The following UNC13C variants were observed in gnomAD, a reference collection of about 807,000 sequenced individuals.
The protein encoded by UNC13C is protein unc-13 homolog C.
UNC13C carries 174 observed loss-of-function variants against 245.4 expected under a neutral mutation model. The observed-to-expected ratio is 0.71, with a 90% CI of 0.63 to 0.80. The LOEUF (loss-of-function observed/expected upper bound fraction) is 0.80, where lower values mean the gene tolerates loss of function less well. UNC13C is among the 30% of genes least tolerant of loss of function. The pLI is 0.00. For missense variants in UNC13C, 2,829 were observed against 2,602.9 expected (o/e 1.09, Z -1.89); for synonymous variants, 992 against 895.1 (o/e 1.11, Z -1.93).
At chr15:54,586,343 A>G (rs1337702225) in intron 30 of UNC13C, among the ~76,000 whole-genome samples, 1 of 152,224 alleles carries the variant, frequency 6.6e-6, no homozygotes, top group Non-Finnish European at 1.5e-5. Flanking sequence ...ACAGTTTTCA[A>G]GGCTGAAAGC....
the UNC13C span, chr15:53,913,462 T>A: frequency 6.6e-6 from 1 of 152,230 alleles, no homozygotes; most frequent in Non-Finnish European, 1.5e-5. Flanking sequence ...TGTTCATGGA[T>A]AACCACCCCC....
intron 2 of UNC13C, among the ~76,000 whole-genome samples, chr15:54,025,322 C>G (rs912110632): frequency 2.6e-5 from 4 of 152,136 alleles, no homozygotes; most frequent in Non-Finnish European, 5.9e-5. Context: ...CACATACTTT[C>G]TTTAGTTTTC....
intron 19 of UNC13C, among the ~76,000 whole-genome samples, chr15:54,431,796 T>C (rs1037033517): frequency 1.3e-5 from 2 of 151,668 alleles, no homozygotes; most frequent in African/African-American, 4.8e-5. Flanking sequence ...AGTCATTCTT[T>C]AAGATCATTT....
At chr15:54,210,508 A>T (rs997343222) in intron 4 of UNC13C, among the ~76,000 whole-genome samples, 8 of 152,046 alleles carry the variant, frequency 5.3e-5, no homozygotes, top group Non-Finnish European at 8.8e-5. Context: ...ACCATTGGAT[A>T]TAGTTTTATA....
At chr15:53,887,742 C>T in the UNC13C span, among the ~76,000 whole-genome samples, 1 of 152,074 alleles carries the variant, frequency 6.6e-6, no homozygotes, top group Non-Finnish European at 1.5e-5. Flanking sequence ...TGTGATGTTC[C>T]CCTCCCTGTG....
At chr15:54,050,241 G>A (rs765521605) in intron 2 of UNC13C, 2 of 538,808 alleles carry the variant, frequency 3.7e-6, no homozygotes, top group African/African-American at 3.8e-5. Context: ...CAAAGTTCTG[G>A]TATTACAGGC....
chr15:54,096,631 T>C (rs1048437640), intron 2 of UNC13C, among the ~76,000 whole-genome samples: 1 of 152,164 alleles, frequency 6.6e-6, no homozygotes, highest in African/African-American at 2.4e-5. Context: ...TTTTTGCATG[T>C]AAACAACTTA....
At chr15:54,017,621 A>C (rs1272821810) in intron 2 of UNC13C, among the ~76,000 whole-genome samples, 1 of 152,166 alleles carries the variant, frequency 6.6e-6, no homozygotes, top group Non-Finnish European at 1.5e-5. Flanking sequence ...AAGATGATAC[A>C]TTTCAGAAAA....
chr15:53,838,512 T>C, the UNC13C span, among the ~76,000 whole-genome samples: 1 of 152,192 alleles, frequency 6.6e-6, no homozygotes, highest in Non-Finnish European at 1.5e-5. Flanking sequence ...TATTGAATGC[T>C]TTAACTCATC....
chr15:54,327,134 T>C (rs1327556291), intron 14 of UNC13C, among the ~76,000 whole-genome samples: 2 of 152,022 alleles, frequency 1.3e-5, no homozygotes, highest in African/African-American at 4.8e-5. Context: ...AGTCAATATT[T>C]TAATTTTGAA....
At chr15:54,374,393 C>T (rs140974773) in intron 17 of UNC13C, among the ~76,000 whole-genome samples, 18 of 152,286 alleles carry the variant, frequency 1.2e-4, no homozygotes, top group South Asian at 6.2e-4. Flanking sequence ...ACCCCCACCC[C>T]GGCCTCCCTC....
intron 2 of UNC13C, among the ~76,000 whole-genome samples, chr15:54,084,049 T>G (rs575975501): frequency 6.6e-6 from 1 of 152,296 alleles, no homozygotes; most frequent in African/African-American, 2.4e-5. Context: ...GGCAGCAGAT[T>G]GCCACAGAGG....
At chr15:53,969,007 C>A in the UNC13C span, among the ~76,000 whole-genome samples, 1 of 152,120 alleles carries the variant, frequency 6.6e-6, no homozygotes, top group African/African-American at 2.4e-5. Flanking sequence ...AGTGACATAA[C>A]CTTCCTTACT....
At chr15:54,234,139 C>T (rs986176119) in intron 4 of UNC13C, among the ~76,000 whole-genome samples, 1 of 151,838 alleles carries the variant, frequency 6.6e-6, no homozygotes, top group Non-Finnish European at 1.5e-5. Context: ...CATTTTCACT[C>T]CACAGAGGTA....
At chr15:53,968,296 G>A in the UNC13C span, 1 of 151,302 alleles carries the variant, frequency 6.6e-6, no homozygotes, top group South Asian at 2.1e-4. Flanking sequence ...GTGTGAACTA[G>A]TTCTTAAATG....
At chr15:54,540,344 C>T (rs921232906) in intron 26 of UNC13C, among the ~76,000 whole-genome samples, 2 of 151,830 alleles carry the variant, frequency 1.3e-5, no homozygotes, top group East Asian at 1.9e-4. Context: ...CATGAAAATG[C>T]GATTAATTAT....
At chr15:53,927,917 G>T in the UNC13C span, among the ~76,000 whole-genome samples, 3 of 152,278 alleles carry the variant, frequency 2.0e-5, no homozygotes, top group South Asian at 2.1e-4. Flanking sequence ...ATGATAGAAT[G>T]CGCAAAATTA....
In UNC13C at chr15:53,994,721, G is replaced by A. The variant is rs563098646; in HGVS notation, c.-257+15794G>A. On this transcript the variant is annotated intron_variant, in intron 1 of 32. Coordinates refer to ENST00000260323, the MANE Select transcript of UNC13C (RefSeq NM_001080534.3). ...TTGGAAGCCATGTCAATAGTCAAGT[G>A]TAAATCTGTGTGGTGAGGATTAATT... 1.8e-3 allele frequency among the ~76,000 whole-genome samples: 269 copies of A among 152,248 alleles called. 1 individual carries two copies. The highest frequency in any genetic ancestry group is 2.9e-3 in the Non-Finnish European group (199 of 67,994).
chr15:54,631,140 G>A (rs927649782), downstream of UNC13C: 48 of 152,258 alleles, frequency 3.2e-4, no homozygotes, highest in African/African-American at 1.1e-3. Context: ...GAGCTTAGAA[G>A]TTCGAGACCA....
Sources: allele counts gnomAD v4.1 joint callset (sites outside exome capture counted in the v4.1 genomes callset), GRCh38; gene constraint gnomAD v4.1.1; transcripts MANE v1.5; gene names NCBI Gene and HGNC (gene_info 2026-07-23, HGNC 2026-07-21).